Variants in PTGER3 observed in about 807,000 individuals in gnomAD.
The protein encoded by PTGER3 is prostaglandin E receptor 3, also known as prostaglandin E2 receptor EP3 subtype.
A neutral mutation model predicts 34.7 loss-of-function variants in PTGER3; 22 were observed. That is an observed-to-expected ratio of 0.63 (90% CI 0.45 to 0.91). PTGER3 has a LOEUF of 0.91. Ranked by LOEUF, PTGER3 falls within the 40% of genes least tolerant of loss-of-function variation. PTGER3 has a pLI of 0.00. For missense variants in PTGER3, 468 were observed against 519.4 expected (o/e 0.90, Z 0.96); for synonymous variants, 241 against 230.1 (o/e 1.05, Z -0.43).
intron 1 of PTGER3, among the ~76,000 whole-genome samples, chr1:71,037,327 C>A (rs1042449071): frequency 1.3e-5 from 2 of 152,190 alleles, no homozygotes; most frequent in Non-Finnish European, 1.5e-5. Flanking sequence ...CCACGTAGAG[C>A]TGCACAGATT....
At chr1:70,906,871 G>A (rs951346159) in intron 4 of PTGER3, among the ~76,000 whole-genome samples, 2 of 152,140 alleles carry the variant, frequency 1.3e-5, no homozygotes, top group African/African-American at 4.8e-5. Context: ...TACAAATGTA[G>A]CTTTTGCATT....
In PTGER3 at chr1:71,012,466, T is replaced by C. The variant is rs749205224; in HGVS notation, c.916A>G (p.Ile306Val). ...TGCTCAACTGATGTCTGATTGAAGATCATTTTCAACATCATTATCTAAGAA... is the reference window on the plus strand; with the variant it reads ...TGCTCAACTGATGTCTGATTGAAGACCATTTTCAACATCATTATCTAAGAA... The part of the protein sequence containing the change: ...SPLLIMMLKM[I>V]FNQTSVEHCK... Residue 306 changes from isoleucine (I) to valine (V), a missense_variant, in exon 2 of 4, where the codon ATC becomes GTC. By Grantham distance (29) the Ile-to-Val change is conservative. Coordinates refer to ENST00000306666, the MANE Select transcript of PTGER3 (RefSeq NM_198719.2). The C allele has an allele frequency of 6.2e-7, 1 of 1,612,860 alleles. No homozygotes were observed. The highest frequency in any genetic ancestry group is 8.5e-7 in the Non-Finnish European group (1 of 1,179,426).
intron 4 of PTGER3, among the ~76,000 whole-genome samples, chr1:70,931,062 G>T (rs1241226538): frequency 2.6e-5 from 4 of 152,192 alleles, no homozygotes; most frequent in Non-Finnish European, 5.9e-5. Flanking sequence ...TATAGGTATT[G>T]GGTAAATACA....
At chr1:70,878,048 G>T (rs1345107000) in intron 4 of PTGER3, among the ~76,000 whole-genome samples, 1 of 152,110 alleles carries the variant, frequency 6.6e-6, no homozygotes, top group East Asian at 1.9e-4. Flanking sequence ...CAAACCTATG[G>T]ATGTCATAGG....
At chr1:71,015,234 A>G (rs1657788926) in intron 1 of PTGER3, among the ~76,000 whole-genome samples, 1 of 152,116 alleles carries the variant, frequency 6.6e-6, no homozygotes, top group African/African-American at 2.4e-5. Flanking sequence ...ATATAACCAC[A>G]TATTTGTAGT....
intron 4 of PTGER3, among the ~76,000 whole-genome samples, chr1:70,917,103 C>T (rs1647190476): frequency 6.6e-6 from 1 of 151,952 alleles, no homozygotes; most frequent in South Asian, 2.1e-4. Context: ...AGTCACTCTA[C>T]TGTGTAATAG....
At chr1:71,012,591 T>C (rs1331836728) in intron 1 of PTGER3, 107 bp from the exon 2 acceptor site, 1 of 920,588 alleles carries the variant, frequency 1.1e-6, no homozygotes, top group Non-Finnish European at 1.6e-6. Flanking sequence ...GGTTGTTGGA[T>C]TGAAATGATT....
chr1:70,890,477 A>C (rs1207527578), intron 4 of PTGER3, among the ~76,000 whole-genome samples: 3 of 152,192 alleles, frequency 2.0e-5, no homozygotes, highest in Non-Finnish European at 4.4e-5. Context: ...ATAATACAAA[A>C]TACTGGTCCA....
At chr1:70,899,066 A>G (rs1646781249) in intron 4 of PTGER3, among the ~76,000 whole-genome samples, 1 of 152,178 alleles carries the variant, frequency 6.6e-6, no homozygotes, top group African/African-American at 2.4e-5. Context: ...AAAGGAAAGG[A>G]TTGGATTTGT....
Position 70,986,011 on chromosome 1 carries a change from G to C in PTGER3, c.1078-11623C>G, listed in dbSNP as rs148778709. On this transcript the variant is annotated intron_variant, in intron 2 of 3. Transcript: ENST00000306666. ...GCAGGACACAGGTCATAAAGATCTT[G>C]CTGTTAAAACAGCTTACAGTAAAGA... 6.8e-3 allele frequency among the ~76,000 whole-genome samples: 1,034 copies of C among 152,256 alleles called. 17 individuals carry two copies. The highest frequency in any genetic ancestry group is 0.024 in the African/African-American group (993 of 41,538).
intron 4 of PTGER3, among the ~76,000 whole-genome samples, chr1:70,887,420 C>T (rs1034893456): frequency 6.6e-6 from 1 of 152,160 alleles, no homozygotes; most frequent in Non-Finnish European, 1.5e-5. Flanking sequence ...TCTTTCTCTT[C>T]TTTCAACCCA....
chr1:70,957,913 CAT>C (rs1300165177), intron 2 of PTGER3, among the ~76,000 whole-genome samples: 1 of 152,118 alleles, frequency 6.6e-6, no homozygotes, highest in Admixed American at 6.5e-5. Context: ...TTAGATTTCA[CAT>C]GAGTGAGATT....
intron 1 of PTGER3, among the ~76,000 whole-genome samples, chr1:71,029,985 A>C (rs1010865591): frequency 1.0e-4 from 15 of 150,576 alleles, no homozygotes; most frequent in Non-Finnish European, 2.1e-4. Flanking sequence ...TAAATAAATA[A>C]GTTTCTAGGT....
At chr1:70,997,877 A>C (rs2100800142) in intron 2 of PTGER3, among the ~76,000 whole-genome samples, 1 of 152,346 alleles carries the variant, frequency 6.6e-6, no homozygotes, top group African/African-American at 2.4e-5. Context: ...TAAAATCCTG[A>C]GTTGGAAGAA....
At chr1:70,964,421 C>T (rs989923489) in intron 2 of PTGER3, among the ~76,000 whole-genome samples, 8 of 152,212 alleles carry the variant, frequency 5.3e-5, no homozygotes, top group African/African-American at 1.4e-4. Flanking sequence ...AATTGACTCA[C>T]AGCTCCACAT....
intron 4 of PTGER3, among the ~76,000 whole-genome samples, chr1:70,872,615 C>A (rs1646186115): frequency 6.6e-6 from 1 of 152,162 alleles, no homozygotes; most frequent in Non-Finnish European, 1.5e-5. Flanking sequence ...TTAAGTCAGA[C>A]CTCATTCTAT....
chr1:70,997,820 A>G (rs1476166172), intron 2 of PTGER3, among the ~76,000 whole-genome samples: 6 of 152,220 alleles, frequency 3.9e-5, no homozygotes, highest in Admixed American at 3.3e-4. Context: ...TTTTACACCA[A>G]TTCCAATATT....
chr1:70,913,095 A>G (rs1243342607), intron 4 of PTGER3, among the ~76,000 whole-genome samples: 1 of 151,962 alleles, frequency 6.6e-6, no homozygotes, highest in African/African-American at 2.4e-5. Context: ...TTTCCATCTT[A>G]GCAATATTTA....
chr1:70,870,572 A>G (rs80167204), intron 4 of PTGER3, among the ~76,000 whole-genome samples: 274 of 152,296 alleles, frequency 1.8e-3, no homozygotes, highest in African/African-American at 6.1e-3. Context: ...TTAAATATAA[A>G]TTCAATTTTA....
Sources: allele counts gnomAD v4.1 joint callset (sites outside exome capture counted in the v4.1 genomes callset), GRCh38; gene constraint gnomAD v4.1.1; transcripts MANE v1.5; gene names NCBI Gene and HGNC (gene_info 2026-07-23, HGNC 2026-07-21).